Variants in PRTG observed in about 807,000 individuals in gnomAD.
The protein encoded by PRTG is immunoglobulin superfamily, DCC subclass, member 5.
PRTG carries 67 observed loss-of-function variants against 122.5 expected under a neutral mutation model. The observed-to-expected ratio is 0.55, with a 90% confidence interval of 0.45 to 0.67. The LOEUF (loss-of-function observed/expected upper bound fraction) is 0.67. Among genes scored for constraint, PRTG ranks in the 30% least tolerant of loss-of-function variants. PRTG has a pLI of 0.00. For missense variants in PRTG, 1,435 were observed against 1,415.4 expected, an observed-to-expected ratio of 1.01 and a Z score of -0.22; for synonymous variants, 554 against 501.1, an observed-to-expected ratio of 1.11 and a Z score of -1.41.
intron 11 of PRTG, among the ~76,000 whole-genome samples, chr15:55,657,447 G>A (rs893333319): frequency 1.3e-5 from 2 of 152,102 alleles, no homozygotes; most frequent in African/African-American, 4.8e-5. Flanking sequence ...ATATCTCTAG[G>A]TCAACCAAAA....
intron 4 of PRTG, 121 bp from the exon 5 acceptor site, chr15:55,680,749 A>G (rs990972958): frequency 3.6e-6 from 2 of 552,462 alleles, no homozygotes; most frequent in South Asian, 6.1e-5. Context: ...TTATTGAGAT[A>G]TAACTCACAT....
chr15:55,686,154 TAA>T (rs2059569156), intron 2 of PRTG, among the ~76,000 whole-genome samples: 3 of 152,188 alleles, frequency 2.0e-5, no homozygotes, highest in Non-Finnish European at 4.4e-5. Context: ...ATAATTAACT[TAA>T]ACTATGTTGA....
At chr15:55,723,177 G>A (rs2030894718) in intron 2 of PRTG, among the ~76,000 whole-genome samples, 1 of 152,136 alleles carries the variant, frequency 6.6e-6, no homozygotes, top group Non-Finnish European at 1.5e-5. Context: ...AGAATGTGAT[G>A]TCTCACCACA....
intron 11 of PRTG, among the ~76,000 whole-genome samples, chr15:55,642,850 A>C (rs1394910707): frequency 6.6e-6 from 1 of 152,158 alleles, no homozygotes; most frequent in Non-Finnish European, 1.5e-5. Context: ...CTACTTTGGG[A>C]AGTAGAGGAC....
intron 18 of PRTG, among the ~76,000 whole-genome samples, chr15:55,623,775 T>C (rs1275233345): frequency 6.6e-6 from 1 of 152,222 alleles, no homozygotes; most frequent in Admixed American, 6.5e-5. Context: ...AGCACTATTA[T>C]TATATATACT....
At chr15:55,740,763 CATATTCAGGGT>C in intron 1 of PRTG, 79 bp from the exon 2 acceptor site, 1 of 1,232,960 alleles carries the variant, frequency 8.1e-7, no homozygotes, top group Middle Eastern at 2.0e-4. Context: ...CTGTAAAACA[CATATTCAGGGT>C]ATGAGATGAC....
intron 2 of PRTG, among the ~76,000 whole-genome samples, chr15:55,694,307 G>C (rs1208375707): frequency 4.6e-5 from 7 of 152,100 alleles, no homozygotes; most frequent in African/African-American, 1.7e-4. Context: ...GGCACAGATT[G>C]CAGTGAAAGT....
intron 15 of PRTG, among the ~76,000 whole-genome samples, chr15:55,632,248 G>A (rs1400325877): frequency 6.6e-6 from 1 of 152,062 alleles, no homozygotes; most frequent in African/African-American, 2.4e-5. Flanking sequence ...TGTTTTTTCT[G>A]ATGCCCCACA....
chr15:55,637,073 T>C (rs1193886129), intron 15 of PRTG, 97 bp downstream of exon 15: 20 of 1,089,822 alleles, frequency 1.8e-5, no homozygotes, highest in Non-Finnish European at 2.5e-5. Context: ...TACATAAAAA[T>C]GTAAATTCAA....
Position 55,677,867 on chromosome 15 carries a change from T to C in PRTG, c.1311A>G (p.Leu437=), listed in dbSNP as rs770367203. The part of the protein sequence containing the change: ...AETMSSSAIL[L]AWERPLYNSD... ...AATTATAAAGTGGCCTCTCCCAGGCTAAAAGAATGGCTGAGCTTGACATGG... is the reference window on the plus strand; with the variant it reads ...AATTATAAAGTGGCCTCTCCCAGGCCAAAAGAATGGCTGAGCTTGACATGG... Residue 437 remains leucine (L), a synonymous_variant, in exon 8 of 20, where the codon TTA becomes TTG. Coordinates refer to ENST00000389286, the MANE Select transcript of PRTG (RefSeq NM_173814.6). 6.2e-7 allele frequency: 1 copy of C among 1,613,960 alleles called. No individual in the cohort carries two copies.
chr15:55,631,128 A>T (rs907192984), intron 15 of PRTG, among the ~76,000 whole-genome samples: 17 of 152,206 alleles, frequency 1.1e-4, no homozygotes, highest in African/African-American at 3.9e-4. Flanking sequence ...CTTGGCCTGA[A>T]GAGAGTGTGA....
At chr15:55,677,434 C>T (rs1241397683) in intron 8 of PRTG, among the ~76,000 whole-genome samples, 2 of 152,140 alleles carry the variant, frequency 1.3e-5, no homozygotes, top group East Asian at 3.8e-4. Flanking sequence ...AGTCAAACCA[C>T]TGTTCTAATG....
chr15:55,695,544 A>C (rs2059627332), intron 2 of PRTG, among the ~76,000 whole-genome samples: 1 of 152,222 alleles, frequency 6.6e-6, no homozygotes, highest in South Asian at 2.1e-4. Flanking sequence ...TGCACCAGTC[A>C]CTGCTGCCAC....
chr15:55,620,495 G>C (rs2059160214), intron 19 of PRTG, among the ~76,000 whole-genome samples, 168 bp downstream of exon 19: 1 of 149,938 alleles, frequency 6.7e-6, no homozygotes, highest in African/African-American at 2.5e-5. Context: ...TCCAACTTCT[G>C]TTATCATTCA....
intron 2 of PRTG, among the ~76,000 whole-genome samples, chr15:55,688,079 C>T (rs1222361452): frequency 6.6e-6 from 1 of 152,206 alleles, no homozygotes; most frequent in African/African-American, 2.4e-5. Context: ...GAAGAAAACT[C>T]TAAACATGTC....
At chr15:55,720,721 T>C (rs1422432666) in intron 2 of PRTG, among the ~76,000 whole-genome samples, 1 of 152,196 alleles carries the variant, frequency 6.6e-6, no homozygotes, top group Non-Finnish European at 1.5e-5. Flanking sequence ...GTCCTTCTTT[T>C]GGCTTCCCTG....
chr15:55,667,221 AAC>A (rs1335841855), intron 11 of PRTG, among the ~76,000 whole-genome samples: 1 of 147,562 alleles, frequency 6.8e-6, no homozygotes, highest in African/African-American at 2.5e-5. Context: ...AAAAAAAAAA[AAC>A]AGATAATGCA....
chr15:55,742,710 G>C, intron 1 of PRTG, 128 bp downstream of exon 1: 2 of 1,140,656 alleles, frequency 1.8e-6, no homozygotes, highest in South Asian at 2.8e-5. Context: ...GCGGGGGCCG[G>C]GGGTCAGCGC....
At chr15:55,716,085 A>G (rs1213307546) in intron 2 of PRTG, among the ~76,000 whole-genome samples, 3 of 152,218 alleles carry the variant, frequency 2.0e-5, no homozygotes, top group Non-Finnish European at 4.4e-5. Context: ...TGTGTTAACA[A>G]TCATCTGCTA....
Sources: gnomAD v4.1 joint callset for allele counts (sites outside exome capture counted in the v4.1 genomes callset) on GRCh38, gnomAD v4.1.1 for gene constraint, MANE v1.5 for transcripts, NCBI Gene and HGNC (gene_info 2026-07-23, HGNC 2026-07-21) for gene names.